The following MMP24 variants were observed in gnomAD, a reference collection of about 807,000 sequenced individuals.
MMP24 encodes the protein matrix metallopeptidase 24.
A neutral mutation model predicts 62.8 loss-of-function variants in MMP24; 25 were observed. The ratio of observed to expected loss-of-function variants is 0.40; its 90% CI spans 0.29 to 0.56. The LOEUF (loss-of-function observed/expected upper bound fraction) is 0.56, where lower values mean the gene tolerates loss of function less well. MMP24 is among the 20% of genes least tolerant of loss of function. The pLI, the probability that MMP24 is intolerant of heterozygous loss-of-function variation, is 0.50. For missense variants in MMP24, 634 were observed against 853.6 expected (o/e 0.74, Z 3.21); for synonymous variants, 319 against 350.5 (o/e 0.91, Z 1.00).
At chr20:35,235,349 A>G (rs926191502) in intron 1 of MMP24, among the ~76,000 whole-genome samples, 2 of 152,178 alleles carry the variant, frequency 1.3e-5, no homozygotes, top group Admixed American at 6.5e-5. Flanking sequence ...GGCTACAGAG[A>G]GCAGAGATTG....
chr20:35,256,222 T>C (rs939569001), intron 4 of MMP24: 2 of 152,262 alleles, frequency 1.3e-5, no homozygotes, highest in African/African-American at 4.8e-5. Context: ...TAAATATTGC[T>C]ATCTTCATTT....
intron 2 of MMP24, among the ~76,000 whole-genome samples, chr20:35,250,274 A>G (rs1831894204): frequency 6.6e-6 from 1 of 152,120 alleles, no homozygotes; most frequent in South Asian, 2.1e-4. Context: ...ATTTTAAAAG[A>G]ATGTGCTGGG....
rs902968827 is a variant in MMP24 at position 35,267,453 on chromosome 20, C to T, written c.1194+34C>T. 2.0e-6 allele frequency: 3 copies of T among 1,535,126 alleles called. No homozygotes were observed. In the African/African-American group the frequency reaches 4.1e-5, roughly 21 times the overall value. On this transcript the variant is annotated intron_variant, in intron 6 of 8. Transcript: ENST00000246186. ...AATGGATTGGCACCACCCAGCTGGC[C>T]CCTGACCTTTCCTCCTCCTCCCCGA...
chr20:35,233,327 T>G (rs1402964557), intron 1 of MMP24, among the ~76,000 whole-genome samples: 1 of 152,078 alleles, frequency 6.6e-6, no homozygotes, highest in Non-Finnish European at 1.5e-5. Context: ...AAGAATCACT[T>G]GAACCTGGGA....
At chr20:35,248,245 A>G (rs1470471435) in intron 2 of MMP24, among the ~76,000 whole-genome samples, 1 of 151,584 alleles carries the variant, frequency 6.6e-6, no homozygotes. Flanking sequence ...TCTGGGTCTC[A>G]GTGTGTTCAT....
At chr20:35,241,480 T>C (rs118028990) in intron 1 of MMP24, among the ~76,000 whole-genome samples, 223 of 152,300 alleles carry the variant, frequency 1.5e-3, no homozygotes, top group Non-Finnish European at 2.5e-3. Context: ...GCCTAGAGAA[T>C]ATTAGAGAAT....
chr20:35,240,529 CA>C (rs532997914), intron 1 of MMP24, among the ~76,000 whole-genome samples: 1 of 152,050 alleles, frequency 6.6e-6, no homozygotes, highest in South Asian at 2.1e-4. Context: ...GAGATGAAAG[CA>C]AGGTCATTCT....
rs140024476 is a variant in MMP24, at chr20:35,236,873, C to G, written c.246+9889C>G. ...CCTGTAATTCCAACTACTCGGGAGG[C>G]TGAGGCAGGAGAATCACTTGAACCC... On this transcript the variant is annotated intron_variant, in intron 1 of 8. Coordinates refer to ENST00000246186, the MANE Select transcript of MMP24 (RefSeq NM_006690.4). 3.4e-3 allele frequency among the ~76,000 whole-genome samples: 507 copies of G among 151,086 alleles called. 7 individuals carry two copies. The highest frequency in any genetic ancestry group is 0.022 in the East Asian group (113 of 5,126).
Position 35,271,430 on chromosome 20 carries a change from C to A in MMP24, c.1334-139C>A. The A allele has an allele frequency of 1.8e-6, 2 of 1,095,312 alleles. No homozygotes were observed. Among genetic ancestry groups the A allele is most frequent in the Non-Finnish European group, 2.6e-6 (2 of 774,396 alleles). 67.8% of individuals were successfully genotyped at this position (1,095,312 alleles called of 1,614,324 possible). A position where few individuals can be genotyped will look rare whatever the true frequency, so the allele number is the denominator to read the frequency against. ...CAAGTTGTCCAGGATCTGTGACTGG[C>A]CTCAGGCTTCGTGCCCTTCCCAACT... is the stretch of plus-strand genomic sequence containing the variant. On this transcript the variant is annotated intron_variant, in intron 7 of 8. Coordinates refer to ENST00000246186, the MANE Select transcript of MMP24 (RefSeq NM_006690.4). This position sits in a 1 kb window ranked among gnomAD's most constrained non-coding sequence, Gnocchi z 4.0.
chr20:35,230,876 T>C (rs907791931), intron 1 of MMP24, among the ~76,000 whole-genome samples: 7 of 152,230 alleles, frequency 4.6e-5, no homozygotes, highest in African/African-American at 1.7e-4. Context: ...ATTTCGTATC[T>C]ATGATCTTTC....
chr20:35,246,966 G>T lies in MMP24; in HGVS notation c.373G>T (p.Val125Leu). Residue 125 changes from valine (V) to leucine (L), a missense_variant, in exon 2 of 9, where the codon GTG becomes TTG. By Grantham distance (32) the Val-to-Leu change is conservative. Coordinates refer to ENST00000246186, the MANE Select transcript of MMP24 (RefSeq NM_006690.4). ...GTTTTACGGGATCCCGGTCACCGGT[G>T]TGTTGGATCAGACAACGATCGAGTA... ...QQFYGIPVTG[V>L]LDQTTIEWMK... is the part of the protein sequence containing the mutation. 1.2e-6 allele frequency: 2 copies of T among 1,614,066 alleles called. No homozygotes were observed. Among genetic ancestry groups the T allele is most frequent in the Non-Finnish European group, 1.7e-6 (2 of 1,179,902 alleles).
Position 35,267,407 on chromosome 20 carries a change from G to A in MMP24, c.1182G>A (p.Met394Ile). Reference protein sequence around the residue: ...FNTVALFRGEMFVFKDRWFWR... With the variant: ...FNTVALFRGEIFVFKDRWFWR... ...CAGTGGCCCTCTTCCGGGGCGAGAT[G>A]TTTGTCTTTAAGGTAGGGCCAATGG... The change falls in exon 6 of 9, where the codon ATG becomes ATA. Residue 394 changes from methionine to isoleucine, a missense_variant. Physicochemically the swap from Met to Ile is conservative, Grantham distance 10. This residue lies in a region of MMP24 where 399 missense variants were observed against 530.8 expected (regional missense o/e 0.75). Transcript: ENST00000246186. The A allele has an allele frequency of 1.3e-6, 2 of 1,556,728 alleles. No individual in the cohort carries two copies. The highest frequency in any genetic ancestry group is 1.4e-5 in the African/African-American group (1 of 73,304).
chr20:35,272,235 AT>A (rs772868150), intron 8 of MMP24: 20 of 422,386 alleles, frequency 4.7e-5, no homozygotes, highest in South Asian at 4.2e-4. Context: ...TTCAAAAAAA[AT>A]TTTTTTTTAA....
chr20:35,263,812 C>T lies in MMP24; in HGVS notation c.839C>T (p.Ala280Val). Reference protein sequence around the residue: ...NHDGNDLFLVAVHELGHALGL... With the variant: ...NHDGNDLFLVVVHELGHALGL... ...ACAGGGAACGACCTCTTCCTGGTGG[C>T]TGTGCATGAGCTGGGCCACGCGCTG... Residue 280 changes from alanine (A) to valine (V), a missense_variant, in exon 5 of 9, where the codon GCT (alanine) becomes GTT (valine). Coordinates refer to ENST00000246186, the MANE Select transcript of MMP24 (RefSeq NM_006690.4). The T allele has an allele frequency of 6.3e-7, 1 of 1,588,056 alleles. No individual in the cohort carries two copies. Among genetic ancestry groups the T allele is most frequent in the Non-Finnish European group, 8.6e-7 (1 of 1,167,354 alleles).
intron 1 of MMP24, among the ~76,000 whole-genome samples, chr20:35,239,506 T>C (rs769141358): frequency 2.0e-5 from 3 of 152,108 alleles, no homozygotes; most frequent in Non-Finnish European, 2.9e-5. Context: ...ATTTGATGTT[T>C]AGGAGGTAGG....
At chr20:35,266,044 T>C (rs1220277569) in intron 5 of MMP24, among the ~76,000 whole-genome samples, 7 of 151,498 alleles carry the variant, frequency 4.6e-5, no homozygotes, top group Non-Finnish European at 1.5e-5. Context: ...TTTGGTTTTA[T>C]TAATAGTTGG....
chr20:35,234,278 A>G (rs561670401), intron 1 of MMP24, among the ~76,000 whole-genome samples: 2 of 152,134 alleles, frequency 1.3e-5, no homozygotes, highest in Non-Finnish European at 2.9e-5. Context: ...ATCACAGCCT[A>G]TATCTCCTGC....
chr20:35,230,871 G>A (rs3795163), intron 1 of MMP24, among the ~76,000 whole-genome samples: 11 of 152,036 alleles, frequency 7.2e-5, no homozygotes, highest in East Asian at 1.9e-4. Flanking sequence ...TTTTCATTTC[G>A]TATCTATGAT....
chr20:35,226,709 G>GCGGCTGCA lies in MMP24; in HGVS notation c.-30_-29insCGGCTGCA, dbSNP rs1280932617. 43 of 534,124 alleles carry GCGGCTGCA rather than the reference G, an allele frequency of 8.1e-5. No homozygotes were observed. In the African/African-American group the frequency reaches 8.8e-4, roughly 11 times the overall value. 33.1% of individuals were successfully genotyped at this position (534,124 alleles called of 1,614,324 possible). On this transcript the variant is annotated 5_prime_UTR_variant, in exon 1 of 9. Coordinates refer to ENST00000246186, the MANE Select transcript of MMP24 (RefSeq NM_006690.4). ...GGCGGCGGCGGCGGCGGCGAAGGCA[G>GCGGCTGCA]GCGGGCCGGGCGCGGGCCCCGCCGC... is the stretch of plus-strand genomic sequence containing the variant.
Sources: allele counts gnomAD v4.1 joint callset (sites outside exome capture counted in the v4.1 genomes callset), GRCh38; gene constraint gnomAD v4.1.1; regional missense constraint gnomAD v4.1.1; non-coding constraint Gnocchi (gnomAD v3.1); transcripts MANE v1.5; gene names NCBI Gene and HGNC (gene_info 2026-07-23, HGNC 2026-07-21).